Variants in RUFY4 observed in about 807,000 individuals in gnomAD.
The protein encoded by RUFY4 is RUN and FYVE domain containing 4, also known as RUN and FYVE domain-containing protein 4.
RUFY4 carries 73 observed loss-of-function variants against 69.0 expected under a neutral mutation model. That is an observed-to-expected ratio of 1.06 (90% CI 0.88 to 1.29). RUFY4 has a LOEUF of 1.29. RUFY4 is among the 50% of genes most tolerant of loss of function. The probability of loss-of-function intolerance (pLI) is 0.00; values close to 1 mark genes in which losing one functional copy is unlikely to be tolerated. For synonymous variants in RUFY4, 287 were observed against 271.8 expected, an observed-to-expected ratio of 1.06 and a Z score of -0.55; for missense variants, 770 against 705.6, an observed-to-expected ratio of 1.09 and a Z score of -1.03.
intron 2 of RUFY4, among the ~76,000 whole-genome samples, chr2:218,057,566 A>G (rs1285429516): frequency 6.6e-6 from 1 of 152,132 alleles, no homozygotes; most frequent in Non-Finnish European, 1.5e-5. Context: ...TACCAACTAT[A>G]AGACCTGCCT....
At chr2:218,054,269 C>T (rs1689008803) in intron 2 of RUFY4, among the ~76,000 whole-genome samples, 1 of 152,074 alleles carries the variant, frequency 6.6e-6, no homozygotes, top group Non-Finnish European at 1.5e-5. Context: ...AGATCATGGA[C>T]TAGGGTCGGG....
In RUFY4 at chr2:218,085,187, C is replaced by T. The variant is rs937096741; in HGVS notation, c.1502+1931C>T. Among the ~76,000 whole-genome samples the T allele has an allele frequency of 5.9e-5, 9 of 152,138 alleles. No homozygotes were observed. The East Asian group carries it at 1.7e-3, about 29-fold the overall frequency. On this transcript the variant is annotated intron_variant, in intron 9 of 10. Transcript: ENST00000344321. ...GGTAGCAGGATCAAAAAGGGAAAGA[C>T]AGAGTAACTAAATCTCACTTCCCAT...
At chr2:218,040,970 A>C (rs576525137) in intron 2 of RUFY4, among the ~76,000 whole-genome samples, 2 of 151,982 alleles carry the variant, frequency 1.3e-5, no homozygotes, top group Admixed American at 1.3e-4. Flanking sequence ...TGTCCTTACA[A>C]CCAATCTGAA....
chr2:218,052,656 G>A (rs1574496495), intron 2 of RUFY4, among the ~76,000 whole-genome samples: 1 of 151,872 alleles, frequency 6.6e-6, no homozygotes, highest in Non-Finnish European at 1.5e-5. Flanking sequence ...AGCTACTCAG[G>A]AGGCTAAGAC....
intron 9 of RUFY4, among the ~76,000 whole-genome samples, chr2:218,088,306 C>T (rs1198675297): frequency 2.0e-5 from 3 of 151,548 alleles, no homozygotes; most frequent in Admixed American, 6.6e-5. Flanking sequence ...AAACCCCATC[C>T]CTACAAAAGA....
rs1160020142 is a variant in RUFY4, at chr2:218,072,288, G to C, written c.154-86G>C. 3.4e-6 allele frequency: 5 copies of C among 1,480,144 alleles called. No individual in the cohort carries two copies. In the East Asian group the frequency reaches 1.2e-4, roughly 36 times the overall value. 91.7% of individuals were successfully genotyped at this position (1,480,144 alleles called of 1,614,324 possible). A position where few individuals can be genotyped will look rare whatever the true frequency, so the allele number is the denominator to read the frequency against. ...GTGTCTGCAGGAGCCCTCTCCTCCA[G>C]TACATGTCCCCTCAGCAAGCTAGAA... is the stretch of plus-strand genomic sequence containing the variant. On this transcript the variant is annotated intron_variant, in intron 2 of 10. Transcript: ENST00000344321.
At chr2:218,060,676 G>T (rs1356922494) in intron 3 of RUFY4, 2 of 1,332,662 alleles carry the variant, frequency 1.5e-6, no homozygotes, top group Admixed American at 1.7e-5. Flanking sequence ...GACCCACATG[G>T]TCCAGTGCTT....
rs1197435273 is a variant in RUFY4 at position 218,050,980 on chromosome 2, G to A, written c.-1157-7615G>A. On this transcript the variant is annotated intron_variant and NMD_transcript_variant, in intron 2 of 13. Transcript: ENST00000457754. The stretch of plus-strand genomic sequence containing the variant: ...AAGTTTTCATGTAATTTAAAATCTT[G>A]AAGTTATGTTAAAGTAAGTGATAGA... 2.0e-5 allele frequency among the ~76,000 whole-genome samples: 3 copies of A among 152,102 alleles called. No homozygotes were observed. The East Asian group carries it at 5.8e-4, about 29-fold the overall frequency.
At chr2:218,065,904 T>C (rs1455763104), upstream of RUFY4, among the ~76,000 whole-genome samples, 3 of 152,164 alleles carry the variant, frequency 2.0e-5, no homozygotes, top group Non-Finnish European at 2.9e-5. Context: ...GCACAGACAC[T>C]TGGGGCAGGA....
chr2:218,089,240 TC>T lies in RUFY4; in HGVS notation c.1503-6del. 2.5e-6 allele frequency: 4 copies of T among 1,603,298 alleles called. No individual in the cohort carries two copies. Among genetic ancestry groups the T allele is most frequent in the Non-Finnish European group, 3.4e-6 (4 of 1,171,116 alleles). On this transcript the variant is annotated splice_polypyrimidine_tract_variant and intron_variant, in intron 9 of 10. Coordinates refer to ENST00000344321, the Ensembl canonical transcript of RUFY4. ...CTCTGTCTGTGTCTCTCCACCTTCA[TC>T]CCCCCATCAGAGAGAAGGACCGCCT...
At chr2:218,075,301 GGAA>G (rs1384182554) in exon 7 of RUFY4, 1 of 1,605,780 alleles carries the variant, frequency 6.2e-7, no homozygotes, top group Non-Finnish European at 8.5e-7. Context: ...GAGCCAGAAG[GGAA>G]GGAGCTTCAG....
intron 10 of RUFY4, 150 bp downstream of exon 12, chr2:218,089,512 C>A: frequency 1.5e-6 from 1 of 664,596 alleles, no homozygotes; most frequent in Admixed American, 2.5e-5. Context: ...CCACATCTGG[C>A]TTCCAACACT....
chr2:218,073,137 G>T (rs10211510), intron 4 of RUFY4, 106 bp from the exon 7 acceptor site: 408,817 of 1,354,062 alleles, frequency 0.3, 64,183 homozygotes, highest in Admixed American at 0.39. Flanking sequence ...ATGACGGTGT[G>T]TAGTGGAGGC....
chr2:218,039,151 A>G (rs1219156473), intron 2 of RUFY4, among the ~76,000 whole-genome samples: 2 of 152,198 alleles, frequency 1.3e-5, no homozygotes, highest in Non-Finnish European at 2.9e-5. Context: ...TTTATACATG[A>G]AAAGAGAACC....
At chr2:218,083,342 T>C in intron 9 of RUFY4, 86 bp downstream of exon 11, 1 of 1,485,034 alleles carries the variant, frequency 6.7e-7, no homozygotes, top group Non-Finnish European at 9.0e-7. Context: ...TCTACTCCAC[T>C]CACAACTCCC....
chr2:218,046,478 T>C (rs1688832344), intron 2 of RUFY4, among the ~76,000 whole-genome samples: 1 of 152,190 alleles, frequency 6.6e-6, no homozygotes, highest in Non-Finnish European at 1.5e-5. Context: ...TCCTGTCTTA[T>C]TTCACTTAAT....
At chr2:218,084,544 A>G (rs1049847128) in intron 9 of RUFY4, among the ~76,000 whole-genome samples, 3 of 152,148 alleles carry the variant, frequency 2.0e-5, no homozygotes, top group Non-Finnish European at 2.9e-5. Context: ...CCTCTTACAC[A>G]ATATCCAAAT....
chr2:218,039,502 C>T (rs569260006), intron 2 of RUFY4, among the ~76,000 whole-genome samples: 36 of 152,300 alleles, frequency 2.4e-4, no homozygotes, highest in African/African-American at 8.4e-4. Context: ...GAAGAGGATT[C>T]TTGCTCACAG....
intron 3 of RUFY4, chr2:218,061,031 G>C: frequency 7.1e-6 from 5 of 705,964 alleles, no homozygotes; most frequent in South Asian, 6.9e-5. Context: ...TACCACCGTA[G>C]AAGTTGACTT....
Sources: allele counts gnomAD v4.1 joint callset (sites outside exome capture counted in the v4.1 genomes callset), GRCh38; gene constraint gnomAD v4.1.1; transcripts MANE v1.5; gene names NCBI Gene and HGNC (gene_info 2026-07-23, HGNC 2026-07-21).